KIF26B: variants seen among roughly 807,000 people sequenced by gnomAD.
KIF26B encodes the protein kinesin family member 26B.
A neutral mutation model predicts 151.2 loss-of-function variants in KIF26B; 63 were observed. That is an observed-to-expected ratio of 0.42 (90% CI 0.34 to 0.51). The LOEUF (loss-of-function observed/expected upper bound fraction) is 0.51, where lower values mean the gene tolerates loss of function less well. Ranked by LOEUF, KIF26B falls within the 20% of genes least tolerant of loss-of-function variation. KIF26B has a pLI of 0.07. For synonymous variants in KIF26B, 1,357 were observed against 1,262.1 expected (o/e 1.08, Z -1.59); for missense variants, 2,813 against 2,913.6 (o/e 0.97, Z 0.79).
chr1:245,164,824 G>C (rs1484614948), intron 2 of KIF26B, among the ~76,000 whole-genome samples: 4 of 152,216 alleles, frequency 2.6e-5, no homozygotes, highest in African/African-American at 9.6e-5. Flanking sequence ...TGTAATCCCA[G>C]AACTTTGGGA....
chr1:245,232,152 G>GC (rs2103555423), intron 2 of KIF26B, among the ~76,000 whole-genome samples: 1 of 152,336 alleles, frequency 6.6e-6, no homozygotes, highest in South Asian at 2.1e-4. Flanking sequence ...AAACAATGGA[G>GC]CTAGATTGCA....
intron 4 of KIF26B, among the ~76,000 whole-genome samples, chr1:245,538,726 A>T (rs959830131): frequency 2.6e-5 from 4 of 152,070 alleles, no homozygotes; most frequent in African/African-American, 9.7e-5. Context: ...TTGAATGTAG[A>T]TGGATAAACA....
chr1:245,578,577 G>C (rs2043146804), intron 5 of KIF26B, among the ~76,000 whole-genome samples: 2 of 152,226 alleles, frequency 1.3e-5, no homozygotes, highest in South Asian at 4.1e-4. Context: ...TCTGACAGAT[G>C]AGGACAAATG....
In KIF26B at chr1:245,516,854, A is replaced by G. The variant is rs1490570720; in HGVS notation, c.1167-23913A>G. Among the ~76,000 whole-genome samples the G allele has an allele frequency of 6.6e-6, 1 of 150,960 alleles. No individual in the cohort carries two copies. The highest frequency in any genetic ancestry group is 2.4e-5 in the African/African-American group (1 of 41,176). On this transcript the variant is annotated intron_variant, in intron 4 of 14. Transcript: ENST00000407071. This position sits in a 1 kb window ranked among gnomAD's most constrained non-coding sequence, Gnocchi z 4.2. ...TCCGGTTACCAGACTGTCCCTGGATACTGGGGACTAAAAGCTGGTGATTGG... is the reference window on the plus strand; with the variant it reads ...TCCGGTTACCAGACTGTCCCTGGATGCTGGGGACTAAAAGCTGGTGATTGG...
intron 4 of KIF26B, among the ~76,000 whole-genome samples, chr1:245,478,550 C>G (rs1444270772): frequency 1.3e-5 from 2 of 150,704 alleles, no homozygotes; most frequent in African/African-American, 4.9e-5. Context: ...GCCTCAGCCT[C>G]CCGAGTAGCT....
At chr1:245,662,571 C>CTA (rs59763599) in intron 10 of KIF26B, among the ~76,000 whole-genome samples, 12 of 95,758 alleles carry the variant, frequency 1.3e-4, no homozygotes, top group East Asian at 2.9e-4. Flanking sequence ...TACACACACC[C>CTA]TATATATATA....
intron 3 of KIF26B, among the ~76,000 whole-genome samples, chr1:245,396,274 G>A (rs1475218454): frequency 1.3e-5 from 2 of 151,982 alleles, no homozygotes; most frequent in Non-Finnish European, 2.9e-5. Context: ...TTTTGTTAAG[G>A]GGCAGTCATT....
intron 10 of KIF26B, among the ~76,000 whole-genome samples, chr1:245,666,966 C>T (rs868370125): frequency 8.6e-5 from 13 of 151,974 alleles, no homozygotes; most frequent in African/African-American, 2.7e-4. Context: ...CTTCGGGGAA[C>T]GTTGTACATC....
intron 5 of KIF26B, among the ~76,000 whole-genome samples, chr1:245,590,717 G>A (rs1442312239): frequency 2.0e-5 from 3 of 152,036 alleles, no homozygotes; most frequent in Non-Finnish European, 4.4e-5. Context: ...AGACCAGCCC[G>A]GACAACATAG....
chr1:245,556,590 TGGG>T (rs2103113377), intron 5 of KIF26B, among the ~76,000 whole-genome samples: 1 of 152,218 alleles, frequency 6.6e-6, no homozygotes, highest in East Asian at 1.9e-4. Flanking sequence ...TTGGTAGAGA[TGGG>T]GTTTTGCCAT....
intron 2 of KIF26B, among the ~76,000 whole-genome samples, chr1:245,339,676 T>A (rs777553792): frequency 1.3e-5 from 2 of 152,230 alleles, no homozygotes; most frequent in Non-Finnish European, 2.9e-5. Flanking sequence ...CACAAAATCA[T>A]GAATATATAT....
intron 4 of KIF26B, among the ~76,000 whole-genome samples, chr1:245,476,982 T>C (rs949338548): frequency 6.6e-6 from 1 of 151,764 alleles, no homozygotes; most frequent in Non-Finnish European, 1.5e-5. Flanking sequence ...GAAAGAATTG[T>C]TACACCTTGA....
intron 5 of KIF26B, among the ~76,000 whole-genome samples, chr1:245,543,000 C>A (rs1422670976): frequency 1.3e-5 from 2 of 152,164 alleles, no homozygotes; most frequent in Non-Finnish European, 2.9e-5. Flanking sequence ...GCCTGGGGTG[C>A]TCATGTACCC....
chr1:245,457,422 G>A (rs1173714275), intron 4 of KIF26B, among the ~76,000 whole-genome samples: 1 of 152,012 alleles, frequency 6.6e-6, no homozygotes, highest in Non-Finnish European at 1.5e-5. Context: ...CAGCTCAGAG[G>A]TATTTTTCAA....
chr1:245,565,282 T>G (rs1014820169), intron 5 of KIF26B, among the ~76,000 whole-genome samples: 89 of 148,210 alleles, frequency 6.0e-4, no homozygotes, highest in East Asian at 2.2e-3. Context: ...TTGTTTTTTT[T>G]GGGTTTTTTT....
chr1:245,440,669 C>T (rs898255807), intron 4 of KIF26B, among the ~76,000 whole-genome samples: 4 of 152,228 alleles, frequency 2.6e-5, no homozygotes, highest in Admixed American at 2.0e-4. Flanking sequence ...CACAGGACTT[C>T]TGTCCAATAC....
At chr1:245,427,373 C>T (rs888098927) in intron 4 of KIF26B, among the ~76,000 whole-genome samples, 3 of 152,290 alleles carry the variant, frequency 2.0e-5, no homozygotes, top group East Asian at 1.9e-4. Context: ...TTCGGGAGGC[C>T]GAGGCAGGCA....
intron 12 of KIF26B, among the ~76,000 whole-genome samples, chr1:245,692,134 G>GTA (rs1332898254): frequency 6.6e-6 from 1 of 152,222 alleles, no homozygotes; most frequent in Non-Finnish European, 1.5e-5. Context: ...AGAGCAATCT[G>GTA]TAGTCAGTGG....
intron 4 of KIF26B, among the ~76,000 whole-genome samples, chr1:245,457,107 C>A (rs930957040): frequency 1.4e-4 from 21 of 152,248 alleles, no homozygotes. Flanking sequence ...GTCAGGTGAT[C>A]TGCCCGCCTC....
Sources: gnomAD v4.1 joint callset for allele counts (sites outside exome capture counted in the v4.1 genomes callset) on GRCh38, gnomAD v4.1.1 for gene constraint, Gnocchi (gnomAD v3.1) non-coding constraint, MANE v1.5 for transcripts, NCBI Gene and HGNC (gene_info 2026-07-23, HGNC 2026-07-21) for gene names.